NOL4: variants seen among roughly 807,000 people sequenced by gnomAD.
The protein encoded by NOL4 is nucleolar protein 4.
A neutral mutation model predicts 75.9 loss-of-function variants in NOL4; 17 were observed. The observed-to-expected ratio is 0.22, with a 90% CI of 0.15 to 0.34. NOL4 has a LOEUF of 0.34. Among genes scored for constraint, NOL4 ranks in the 10% least tolerant of loss-of-function variants. NOL4 has a pLI of 1.00. For synonymous variants in NOL4, 292 were observed against 289.9 expected (o/e 1.01, Z -0.07); for missense variants, 614 against 793.5 (o/e 0.77, Z 2.72).
chr18:34,191,642 CTCTT>C (rs949536291), intron 1 of NOL4, among the ~76,000 whole-genome samples: 37 of 152,056 alleles, frequency 2.4e-4, no homozygotes, highest in African/African-American at 8.9e-4. Flanking sequence ...TTCTTTTAAT[CTCTT>C]TATTTATGGA....
intron 1 of NOL4, chr18:34,221,082 T>A (rs1435166064): frequency 6.6e-6 from 1 of 152,202 alleles, no homozygotes; most frequent in Non-Finnish European, 1.5e-5. Flanking sequence ...AGGACACATA[T>A]GTTAACACAT....
intron 6 of NOL4, among the ~76,000 whole-genome samples, chr18:33,965,265 A>C (rs2070484623): frequency 1.3e-5 from 2 of 152,138 alleles, no homozygotes; most frequent in Non-Finnish European, 2.9e-5. Context: ...GCTTGAGGCT[A>C]GGAGTTTAAG....
At position 34,187,223 on chromosome 18, in the gene NOL4, T is replaced by TA. The variant is rs555265900; in HGVS notation, c.264+35766dup. Among the ~76,000 whole-genome samples the TA allele has an allele frequency of 6.6e-5, 10 of 152,288 alleles. No homozygotes were observed. In the East Asian group the frequency reaches 1.9e-3, roughly 29 times the overall value. On this transcript the variant is annotated intron_variant, in intron 1 of 10. Transcript: ENST00000261592. ...TCCTTAACCCCATAACAACCACTGA[T>TA]ACTTTTTCTGTTTCTATATTTTGCT...
intron 6 of NOL4, among the ~76,000 whole-genome samples, chr18:33,998,690 A>G (rs565765730): frequency 6.6e-6 from 1 of 152,240 alleles, no homozygotes; most frequent in South Asian, 2.1e-4. Flanking sequence ...TTAGTGTTTC[A>G]GTAATGAGGC....
At chr18:34,192,236 A>G (rs186225066) in intron 1 of NOL4, among the ~76,000 whole-genome samples, 18 of 152,298 alleles carry the variant, frequency 1.2e-4, no homozygotes, top group Admixed American at 1.2e-3. Context: ...ACACAAATAA[A>G]TGAAATCCTA....
chr18:34,041,612 C>T (rs1255553206), intron 5 of NOL4, among the ~76,000 whole-genome samples: 2 of 151,928 alleles, frequency 1.3e-5, no homozygotes, highest in African/African-American at 4.8e-5. Context: ...TAACAAAGCC[C>T]TGGCTTCTGG....
chr18:33,912,681 A>C (rs1476875039), intron 9 of NOL4, among the ~76,000 whole-genome samples: 1 of 152,090 alleles, frequency 6.6e-6, no homozygotes, highest in African/African-American at 2.4e-5. Context: ...TAATATGACA[A>C]TCAGCATAGT....
At chr18:33,931,040 C>T (rs1296768016) in intron 9 of NOL4, among the ~76,000 whole-genome samples, 1 of 151,912 alleles carries the variant, frequency 6.6e-6, no homozygotes, top group African/African-American at 2.4e-5. Flanking sequence ...TACTTCTAGG[C>T]TCTGGCAAAT....
At chr18:33,887,038 A>G (rs916753239) in intron 9 of NOL4, among the ~76,000 whole-genome samples, 1 of 135,210 alleles carries the variant, frequency 7.4e-6, no homozygotes, top group Non-Finnish European at 1.6e-5. Context: ...TAGATATATT[A>G]TATCTAGATC....
At chr18:34,092,694 G>T (rs780675430) in intron 5 of NOL4, among the ~76,000 whole-genome samples, 23 of 152,128 alleles carry the variant, frequency 1.5e-4, no homozygotes, top group Non-Finnish European at 2.6e-4. Context: ...AATATAACTG[G>T]CCAATTTCCT....
intron 1 of NOL4, among the ~76,000 whole-genome samples, chr18:34,164,070 CACCTT>C (rs2031955905): frequency 6.6e-6 from 1 of 152,174 alleles, no homozygotes; most frequent in South Asian, 2.1e-4. Context: ...CCCTTCCTTA[CACCTT>C]ATACAAAAAT....
chr18:33,931,559 T>C (rs2067692514), intron 9 of NOL4, among the ~76,000 whole-genome samples: 1 of 151,930 alleles, frequency 6.6e-6, no homozygotes, highest in African/African-American at 2.4e-5. Flanking sequence ...AGCAAGATCC[T>C]GTCTCTAAAT....
intron 9 of NOL4, among the ~76,000 whole-genome samples, chr18:33,885,313 A>G (rs1211275253): frequency 6.6e-6 from 1 of 152,116 alleles, no homozygotes; most frequent in Non-Finnish European, 1.5e-5. Flanking sequence ...GAAGGCAAAA[A>G]TGGACAAACA....
At chr18:34,200,281 T>C (rs1363540431) in intron 1 of NOL4, among the ~76,000 whole-genome samples, 1 of 151,780 alleles carries the variant, frequency 6.6e-6, no homozygotes, top group Non-Finnish European at 1.5e-5. Flanking sequence ...TAATATATCC[T>C]GATAAACCAA....
At chr18:33,982,093 A>T (rs896379319) in intron 6 of NOL4, among the ~76,000 whole-genome samples, 1 of 152,116 alleles carries the variant, frequency 6.6e-6, no homozygotes, top group Non-Finnish European at 1.5e-5. Context: ...GAACCACATA[A>T]AATGCTCAAA....
chr18:34,199,294 A>G (rs889737461), intron 1 of NOL4, among the ~76,000 whole-genome samples: 9 of 151,806 alleles, frequency 5.9e-5, no homozygotes, highest in Admixed American at 2.0e-4. Flanking sequence ...CTGCTGGCCT[A>G]TGGACAGCTG....
chr18:34,110,128 C>CAA lies in NOL4; in HGVS notation c.415-4970_415-4969dup, dbSNP rs57576599. ...AACTCCTTCCATCCCCGCCCTCCCA[C>CAA]AAAAAAAAAAAAAAAAAAAAAAAAA... On this transcript the variant is annotated intron_variant, in intron 2 of 10. Transcript: ENST00000261592. Among the ~76,000 whole-genome samples the CAA allele has an allele frequency of 3.0e-3, 144 of 47,856 alleles. 8 individuals carry two copies. Among genetic ancestry groups the CAA allele is most frequent in the African/African-American group, 3.5e-3 (47 of 13,558 alleles). 31.4% of individuals were successfully genotyped at this position (47,856 alleles called of 152,430 possible). A position where few individuals can be genotyped will look rare whatever the true frequency, so the allele number is the denominator to read the frequency against.
At chr18:33,920,136 G>A (rs2066944968) in intron 9 of NOL4, among the ~76,000 whole-genome samples, 1 of 151,998 alleles carries the variant, frequency 6.6e-6, no homozygotes, top group Non-Finnish European at 1.5e-5. Flanking sequence ...TATTGTATAA[G>A]AGTTTTTATA....
rs559328609 is a variant in NOL4, at chr18:33,987,167, G to A, written c.1057-28749C>T. 8.3e-4 allele frequency among the ~76,000 whole-genome samples: 127 copies of A among 152,160 alleles called. 7 individuals carry two copies. In the South Asian group the frequency reaches 0.025, roughly 30 times the overall value. On this transcript the variant is annotated intron_variant, in intron 6 of 10. Transcript: ENST00000261592. ...CTCATAGTACTTTACACTAAAAATGGTGAATTTTGTTGTATATAAAGTATA... is the reference window on the plus strand; with the variant it reads ...CTCATAGTACTTTACACTAAAAATGATGAATTTTGTTGTATATAAAGTATA...
Sources: allele counts gnomAD v4.1 joint callset (sites outside exome capture counted in the v4.1 genomes callset), GRCh38; gene constraint gnomAD v4.1.1; transcripts MANE v1.5; gene names NCBI Gene and HGNC (gene_info 2026-07-23, HGNC 2026-07-21).